The following LRMDA variants were observed in gnomAD, a reference collection of about 807,000 sequenced individuals.
The protein encoded by LRMDA is leucine rich melanocyte differentiation associated.
Under a neutral mutation model 29.8 loss-of-function variants are expected in LRMDA, and 18 were observed. The ratio of observed to expected loss-of-function variants is 0.60; its 90% CI spans 0.42 to 0.90. The LOEUF (loss-of-function observed/expected upper bound fraction) is 0.90. Among genes scored for constraint, LRMDA ranks in the 40% least tolerant of loss-of-function variants. The pLI, the probability that LRMDA is intolerant of heterozygous loss-of-function variation, is 0.00. For missense variants in LRMDA, 273 were observed against 273.9 expected (o/e 1.00, Z 0.02); for synonymous variants, 125 against 109.4 (o/e 1.14, Z -0.89).
chr10:76,084,364 A>ATTTTTG (rs1849099143), intron 5 of LRMDA, among the ~76,000 whole-genome samples: 1 of 70,904 alleles, frequency 1.4e-5, no homozygotes, highest in Non-Finnish European at 2.6e-5. Flanking sequence ...CGCCCAGCTA[A>ATTTTTG]TTTTTTTTTT....
chr10:76,018,009 G>T (rs1847907386), intron 2 of LRMDA, among the ~76,000 whole-genome samples: 1 of 152,194 alleles, frequency 6.6e-6, no homozygotes, highest in Admixed American at 6.5e-5. Context: ...ACTGACATCT[G>T]TGCCATCTCT....
intron 2 of LRMDA, among the ~76,000 whole-genome samples, chr10:75,992,511 C>G (rs1847388630): frequency 6.6e-6 from 1 of 152,156 alleles, no homozygotes; most frequent in Non-Finnish European, 1.5e-5. Context: ...CTCCCTGTAG[C>G]TAATTGCATA....
chr10:75,923,942 C>T (rs569958718), intron 2 of LRMDA, among the ~76,000 whole-genome samples: 8 of 152,290 alleles, frequency 5.3e-5, no homozygotes, highest in African/African-American at 9.6e-5. Context: ...CCTATTCAAA[C>T]GGGATAGTCC....
At chr10:75,842,536 T>C (rs1844559047) in intron 2 of LRMDA, among the ~76,000 whole-genome samples, 1 of 152,142 alleles carries the variant, frequency 6.6e-6, no homozygotes, top group African/African-American at 2.4e-5. Flanking sequence ...TTTGGTGAAA[T>C]CAATTTAGAG....
chr10:75,921,115 A>T (rs1846018831), intron 2 of LRMDA, among the ~76,000 whole-genome samples: 1 of 152,212 alleles, frequency 6.6e-6, no homozygotes. Flanking sequence ...AGGATATGAG[A>T]TTTGGCAATA....
rs2132421944 is a variant in LRMDA, at chr10:75,953,336, C to T, written c.132-82672C>T. Among the ~76,000 whole-genome samples, 3 of 152,238 alleles carry T rather than the reference C, an allele frequency of 2.0e-5. No individual in the cohort carries two copies. In the South Asian group the frequency reaches 6.2e-4, roughly 32 times the overall value. On this transcript the variant is annotated intron_variant, in intron 2 of 6. Transcript: ENST00000611255. ...TCAAGCGATCCTTCTGCCTCAGCCT[C>T]CCAAATTGCTGGAATTTACAGGTGT...
At chr10:76,054,207 C>G (rs1164918789) in intron 4 of LRMDA, among the ~76,000 whole-genome samples, 1 of 152,154 alleles carries the variant, frequency 6.6e-6, no homozygotes, top group East Asian at 1.9e-4. Flanking sequence ...GGCTGAATCT[C>G]AGATGGAACT....
chr10:75,959,920 C>T (rs1458571635), intron 2 of LRMDA, among the ~76,000 whole-genome samples: 1 of 152,172 alleles, frequency 6.6e-6, no homozygotes, highest in South Asian at 2.1e-4. Flanking sequence ...GGCAGAAATT[C>T]TCCTTTTGCA....
At chr10:75,714,857 CCCTTCCTT>C (rs752703392) in intron 2 of LRMDA, among the ~76,000 whole-genome samples, 1 of 131,628 alleles carries the variant, frequency 7.6e-6, no homozygotes, top group African/African-American at 3.2e-5. Flanking sequence ...CTCCCTCCCT[CCCTTCCTT>C]CCTTCCTTCC....
chr10:75,796,494 C>T (rs2132256945), intron 2 of LRMDA, among the ~76,000 whole-genome samples: 1 of 152,274 alleles, frequency 6.6e-6, no homozygotes, highest in African/African-American at 2.4e-5. Context: ...AAATGTTAAA[C>T]TCACCTTGCA....
chr10:76,205,781 A>G (rs766485615), intron 5 of LRMDA, among the ~76,000 whole-genome samples: 29 of 152,026 alleles, frequency 1.9e-4, no homozygotes, highest in Non-Finnish European at 3.2e-4. Flanking sequence ...ACCAGTGTAG[A>G]GATGCTGGGC....
intron 2 of LRMDA, among the ~76,000 whole-genome samples, chr10:76,002,177 C>G (rs763275650): frequency 2.0e-5 from 3 of 152,170 alleles, no homozygotes; most frequent in Non-Finnish European, 4.4e-5. Flanking sequence ...ATGGTAGAGA[C>G]AGCACACCCT....
intron 5 of LRMDA, among the ~76,000 whole-genome samples, chr10:76,199,558 A>G (rs1326164642): frequency 6.6e-6 from 1 of 152,186 alleles, no homozygotes; most frequent in Non-Finnish European, 1.5e-5. Flanking sequence ...CGTGGAGACC[A>G]TTATTAGTAT....
chr10:75,734,370 C>T (rs1040259563), intron 2 of LRMDA, among the ~76,000 whole-genome samples: 23 of 152,076 alleles, frequency 1.5e-4, no homozygotes, highest in African/African-American at 3.9e-4. Flanking sequence ...TGACATCCCC[C>T]GCCATGTTTA....
At position 76,220,190 on chromosome 10, in the gene LRMDA, A is replaced by G. The variant is rs563159091; in HGVS notation, c.517-104211A>G. 1.3e-3 allele frequency among the ~76,000 whole-genome samples: 196 copies of G among 152,308 alleles called. 2 individuals carry two copies. The highest frequency in any genetic ancestry group is 4.3e-3 in the African/African-American group (180 of 41,568). On this transcript the variant is annotated intron_variant, in intron 5 of 6. Coordinates refer to ENST00000611255, the MANE Select transcript of LRMDA (RefSeq NM_001305581.2). ...GGAAAGATCCAAAATTGACACCCTA[A>G]CATCACAATTAAAAGAACTAGAAAA...
chr10:75,923,419 G>A lies in LRMDA; in HGVS notation c.132-112589G>A, dbSNP rs1177307223. On this transcript the variant is annotated intron_variant, in intron 2 of 6. Coordinates refer to ENST00000611255, the MANE Select transcript of LRMDA (RefSeq NM_001305581.2). The stretch of plus-strand genomic sequence containing the variant: ...AAATCAGAGACTAGATTTAATGACA[G>A]GACATGTAGAAATCAGCGCTGTCAT... Among the ~76,000 whole-genome samples the A allele has an allele frequency of 2.0e-5, 3 of 152,226 alleles. No individual in the cohort carries two copies. In the East Asian group the frequency reaches 5.8e-4, roughly 29 times the overall value.
chr10:76,170,315 A>T (rs1322364634), intron 5 of LRMDA, among the ~76,000 whole-genome samples: 2 of 152,224 alleles, frequency 1.3e-5, no homozygotes, highest in Non-Finnish European at 2.9e-5. Flanking sequence ...TGTCTTTAAG[A>T]TATAACCATA....
intron 2 of LRMDA, among the ~76,000 whole-genome samples, chr10:75,691,467 G>A (rs896197051): frequency 2.6e-5 from 4 of 152,070 alleles, no homozygotes; most frequent in Middle Eastern, 6.8e-3. Flanking sequence ...TGGTTTTAAA[G>A]TTGTGTTTAT....
intron 2 of LRMDA, among the ~76,000 whole-genome samples, chr10:75,926,326 A>T (rs183674344): frequency 1.3e-5 from 2 of 152,330 alleles, no homozygotes; most frequent in Non-Finnish European, 2.9e-5. Context: ...AAACAGTGGC[A>T]GGAGGATCTT....
Sources: allele counts gnomAD v4.1 joint callset (sites outside exome capture counted in the v4.1 genomes callset), GRCh38; gene constraint gnomAD v4.1.1; transcripts MANE v1.5; gene names NCBI Gene and HGNC (gene_info 2026-07-23, HGNC 2026-07-21).